NDUFA10: variants seen among roughly 807,000 people sequenced by gnomAD.
NDUFA10 encodes NADH:ubiquinone oxidoreductase subunit A10.
In NDUFA10, 40 loss-of-function variants were observed where a neutral mutation model predicts 47.8. The observed-to-expected ratio is 0.84, with a 90% CI of 0.65 to 1.09. NDUFA10 has a LOEUF of 1.09. Ranked by LOEUF, NDUFA10 falls within the 50% of genes least tolerant of loss-of-function variation. NDUFA10 has a pLI of 0.00. For synonymous variants in NDUFA10, 183 were observed against 172.2 expected, an observed-to-expected ratio of 1.06 and a Z score of -0.49; for missense variants, 413 against 451.1, an observed-to-expected ratio of 0.92 and a Z score of 0.76.
intron 4 of NDUFA10, among the ~76,000 whole-genome samples, chr2:239,910,287 T>C (rs1172812672): frequency 3.9e-5 from 6 of 152,168 alleles, no homozygotes; most frequent in Non-Finnish European, 7.3e-5. Context: ...GCAGCACTAT[T>C]CACAATAGCA....
At chr2:240,020,628 C>T (rs1342666096) in intron 3 of NDUFA10, among the ~76,000 whole-genome samples, 1 of 152,180 alleles carries the variant, frequency 6.6e-6, no homozygotes, top group African/African-American at 2.4e-5. Flanking sequence ...CTCCCCAGTA[C>T]ACAGCTCTTC....
chr2:239,999,836 ATGT>A (rs1696633174), intron 8 of NDUFA10, among the ~76,000 whole-genome samples: 1 of 152,236 alleles, frequency 6.6e-6, no homozygotes, highest in South Asian at 2.1e-4. Context: ...TGTGAAACCC[ATGT>A]TGTTTGTACC....
At chr2:239,949,515 T>TTTTTTGC (rs1017827455) in intron 4 of NDUFA10, among the ~76,000 whole-genome samples, 29 of 152,250 alleles carry the variant, frequency 1.9e-4, no homozygotes, top group Admixed American at 7.2e-4. Flanking sequence ...CTGTTTTTTG[T>TTTTTTGC]TTTTTGCTTT....
intron 4 of NDUFA10, among the ~76,000 whole-genome samples, chr2:239,896,712 G>A (rs1693405066): frequency 6.6e-6 from 1 of 152,240 alleles, no homozygotes; most frequent in African/African-American, 2.4e-5. Context: ...AGTTTAGAGT[G>A]AAGGATAGTC....
Position 239,958,005 on chromosome 2 carries a change from C to T in NDUFA10, c.*3113G>A, listed in dbSNP as rs886055812. On this transcript the variant is annotated 3_prime_UTR_variant, in exon 10 of 10. Transcript: ENST00000252711. Reference sequence around the variant, plus strand: ...AGGTGACTACTGACAATCACCTCCTCTGTTTTCTGGCTCATGATTTTCCTA... The same window carrying T: ...AGGTGACTACTGACAATCACCTCCTTTGTTTTCTGGCTCATGATTTTCCTA... The T allele has an allele frequency of 1.3e-5, 2 of 152,202 alleles. No individual in the cohort carries two copies. Among genetic ancestry groups the T allele is most frequent in the African/African-American group, 2.4e-5 (1 of 41,442 alleles). 9.4% of individuals were successfully genotyped at this position (152,202 alleles called of 1,614,324 possible). A position where few individuals can be genotyped will look rare whatever the true frequency, so the allele number is the denominator to read the frequency against.
At chr2:239,968,643 G>C (rs909336083) in intron 9 of NDUFA10, among the ~76,000 whole-genome samples, 2 of 152,146 alleles carry the variant, frequency 1.3e-5, no homozygotes, top group African/African-American at 4.8e-5. Flanking sequence ...AAAGGGGTGG[G>C]GCCTAGGCAG....
intron 5 of NDUFA10, among the ~76,000 whole-genome samples, chr2:239,894,340 C>T (rs547881815): frequency 9.5e-4 from 144 of 151,624 alleles, no homozygotes; most frequent in African/African-American, 3.3e-3. Context: ...CTGTCCTCAG[C>T]TGCATCATTC....
At chr2:239,973,605 A>G in intron 9 of NDUFA10, 1 of 471,242 alleles carries the variant, frequency 2.1e-6, no homozygotes, top group Non-Finnish European at 4.4e-6. Context: ...GATCAGCTTC[A>G]AGGAGGGAGC....
chr2:239,907,550 A>G (rs1360797661), intron 4 of NDUFA10, among the ~76,000 whole-genome samples: 1 of 152,264 alleles, frequency 6.6e-6, no homozygotes, highest in African/African-American at 2.4e-5. Context: ...CAAATTTACA[A>G]GAAAAAATCA....
At chr2:239,893,769 G>A (rs189357604) in intron 5 of NDUFA10, among the ~76,000 whole-genome samples, 20 of 152,330 alleles carry the variant, frequency 1.3e-4, no homozygotes, top group Non-Finnish European at 1.9e-4. Flanking sequence ...AAACCACGCA[G>A]TGGGAGTGGG....
rs1193458141 is a variant in NDUFA10 at position 239,942,917 on chromosome 2, CG to C, written c.294+47156del. ...AGGCAGTTTGTGTTCAGGCCACCTT[CG>C]GGAAGCCTGCAAGGATGGTGGTGGC... On this transcript the variant is annotated intron_variant, in intron 4 of 5. Coordinates refer to the NDUFA10 transcript ENST00000419408. 5.2e-5 allele frequency: 8 copies of C among 153,890 alleles called. No individual in the cohort carries two copies. In the Admixed American group the frequency reaches 5.2e-4, roughly 10 times the overall value. The allele number at this position is 153,890 out of a possible 1,614,324, so 9.5% of individuals were successfully genotyped here. A position where few individuals can be genotyped will look rare whatever the true frequency, so the allele number is the denominator to read the frequency against.
chr2:239,937,083 A>C (rs1694277823), intron 4 of NDUFA10, among the ~76,000 whole-genome samples: 1 of 152,168 alleles, frequency 6.6e-6, no homozygotes, highest in African/African-American at 2.4e-5. Context: ...AGCAGAGGGG[A>C]GGGCTGGGGG....
chr2:239,944,342 C>A (rs934071222), intron 4 of NDUFA10, among the ~76,000 whole-genome samples: 26 of 152,224 alleles, frequency 1.7e-4, no homozygotes, highest in Non-Finnish European at 3.4e-4. Context: ...CCTGGCGTCC[C>A]CCATGCTGAG....
At chr2:239,983,590 C>A (rs1263082303) in intron 9 of NDUFA10, 1 of 1,594,568 alleles carries the variant, frequency 6.3e-7, no homozygotes, top group South Asian at 1.1e-5. Flanking sequence ...CCAGTGGAGA[C>A]CCAGCAAGCA....
chr2:239,988,865 C>A (rs1696117973), intron 9 of NDUFA10, among the ~76,000 whole-genome samples: 1 of 151,602 alleles, frequency 6.6e-6, no homozygotes, highest in Non-Finnish European at 1.5e-5. Flanking sequence ...ACAGCACACA[C>A]ACTCACACAC....
chr2:239,922,225 G>A (rs1310960925), intron 4 of NDUFA10, among the ~76,000 whole-genome samples: 1 of 152,072 alleles, frequency 6.6e-6, no homozygotes, highest in East Asian at 1.9e-4. Context: ...GCTCTGGAGT[G>A]GCCAGTTATC....
chr2:239,987,532 A>G lies in NDUFA10; in HGVS notation c.999+2542T>C, dbSNP rs991284405. On this transcript the variant is annotated intron_variant, in intron 9 of 9. Coordinates refer to ENST00000252711, the MANE Select transcript of NDUFA10 (RefSeq NM_004544.4). This position sits in a 1 kb window ranked among gnomAD's most constrained non-coding sequence, Gnocchi z 4.8. ...ATAACTTACCTTAAATGGTTCAGGA[A>G]AAGTTATTTTTCTTTTTTTAGTTTG... Among the ~76,000 whole-genome samples, 6 of 152,228 alleles carry G rather than the reference A, an allele frequency of 3.9e-5. No individual in the cohort carries two copies. Among genetic ancestry groups the G allele is most frequent in the African/African-American group, 1.4e-4 (6 of 41,456 alleles).
In NDUFA10 at chr2:239,987,522, T is replaced by C. The variant is rs1256504764; in HGVS notation, c.999+2552A>G. 6.6e-6 allele frequency among the ~76,000 whole-genome samples: 1 copy of C among 151,686 alleles called. No homozygotes were observed. The highest frequency in any genetic ancestry group is 6.6e-5 in the Admixed American group (1 of 15,224). ...CATCATGTTAATAACTTACCTTAAA[T>C]GGTTCAGGAAAAGTTATTTTTCTTT... On this transcript the variant is annotated intron_variant, in intron 9 of 9. Coordinates refer to ENST00000252711, the MANE Select transcript of NDUFA10 (RefSeq NM_004544.4). This position sits in a 1 kb window ranked among gnomAD's most constrained non-coding sequence, Gnocchi z 4.8.
chr2:239,907,578 G>T (rs1000898830), intron 4 of NDUFA10, among the ~76,000 whole-genome samples: 8 of 152,296 alleles, frequency 5.3e-5, no homozygotes, highest in African/African-American at 1.9e-4. Flanking sequence ...CCATCAAAAA[G>T]TGGGCGAAGG....
Sources: gnomAD v4.1 joint callset for allele counts (sites outside exome capture counted in the v4.1 genomes callset) on GRCh38, gnomAD v4.1.1 for gene constraint, Gnocchi (gnomAD v3.1) non-coding constraint, MANE v1.5 for transcripts, NCBI Gene and HGNC (gene_info 2026-07-23, HGNC 2026-07-21) for gene names.